NPEPL1: variants seen among roughly 807,000 people sequenced by gnomAD.
NPEPL1 encodes aminopeptidase like 1.
A neutral mutation model predicts 52.4 loss-of-function variants in NPEPL1; 45 were observed. That is an observed-to-expected ratio of 0.86 (90% confidence interval 0.68 to 1.10). The LOEUF is 1.10. NPEPL1 is among the 50% of genes least tolerant of loss of function. The pLI, the probability that NPEPL1 is intolerant of heterozygous loss-of-function variation, is 0.00. For synonymous variants in NPEPL1, 360 were observed against 314.7 expected (o/e 1.14, Z -1.52); for missense variants, 696 against 710.9 (o/e 0.98, Z 0.24).
chr20:58,715,378 G>T lies in NPEPL1; in HGVS notation c.*52G>T, dbSNP rs1040592799. The T allele has an allele frequency of 9.4e-6, 14 of 1,494,490 alleles. No homozygotes were observed. The highest frequency in any genetic ancestry group is 1.2e-5 in the Non-Finnish European group (13 of 1,119,384). 92.6% of individuals were successfully genotyped at this position (1,494,490 alleles called of 1,614,324 possible). ...GGGATCTTTTACCTCACTTTGCACT[G>T]ATTAATTTTAAGCAATTGAAAGATT... On this transcript the variant is annotated 3_prime_UTR_variant, in exon 12 of 12. Coordinates refer to ENST00000356091, the MANE Select transcript of NPEPL1 (RefSeq NM_024663.4).
intron 6 of NPEPL1, among the ~76,000 whole-genome samples, chr20:58,705,725 C>T (rs1387041293): frequency 6.6e-6 from 1 of 152,192 alleles, no homozygotes; most frequent in African/African-American, 2.4e-5. Flanking sequence ...GCTCCACCTG[C>T]AATTGGGAAG....
chr20:58,712,746 C>A, intron 8 of NPEPL1, 167 bp downstream of exon 8: 1 of 693,666 alleles, frequency 1.4e-6, no homozygotes. Context: ...TGGTAGCAGG[C>A]GCACCTCACG....
intron 4 of NPEPL1, 99 bp from the exon 5 acceptor site, chr20:58,699,080 CCGGCTCCCCGACGCGGCA>C: frequency 1.0e-6 from 1 of 970,502 alleles, no homozygotes; most frequent in Non-Finnish European, 1.6e-6. Context: ...GCTCCCAAGC[CCGGCTCCCCGACGCGGCA>C]CAGGCAGCGG....
rs531325624 is a variant in NPEPL1, at chr20:58,703,445, C to T, written c.822+2287C>T. ...ATAGTGCACCCCCTACTGCCTGCAC[C>T]TGGTACTGGCTGCTCCCACCCTCGC... is the stretch of plus-strand genomic sequence containing the variant. On this transcript the variant is annotated intron_variant, in intron 6 of 11. Coordinates refer to ENST00000356091, the MANE Select transcript of NPEPL1 (RefSeq NM_024663.4). 289 of 984,788 alleles carry T rather than the reference C, an allele frequency of 2.9e-4. No individual in the cohort carries two copies. The African/African-American group carries it at 4.8e-3, about 16-fold the overall frequency. 61.0% of individuals were successfully genotyped at this position (984,788 alleles called of 1,614,324 possible). A position where few individuals can be genotyped will look rare whatever the true frequency, so the allele number is the denominator to read the frequency against.
chr20:58,696,907 C>T (rs994130347), intron 3 of NPEPL1, among the ~76,000 whole-genome samples: 2 of 152,244 alleles, frequency 1.3e-5, no homozygotes, highest in African/African-American at 4.8e-5. Context: ...AGGTGTTAAG[C>T]TGCAGCTGCC....
chr20:58,703,609 G>A (rs894819533), intron 6 of NPEPL1: 7 of 985,256 alleles, frequency 7.1e-6, no homozygotes, highest in Non-Finnish European at 7.2e-6. Flanking sequence ...TGAGCTTCCT[G>A]GGAATTCATT....
intron 7 of NPEPL1, 119 bp downstream of exon 7, chr20:58,707,319 G>C (rs977984788): frequency 3.2e-6 from 3 of 944,222 alleles, no homozygotes; most frequent in Non-Finnish European, 4.7e-6. Flanking sequence ...TCTCCCCAGC[G>C]GATGCTTGTC....
chr20:58,693,671 G>C, intron 1 of NPEPL1, 66 bp from the exon 2 acceptor site: 1 of 1,455,080 alleles, frequency 6.9e-7, no homozygotes, highest in Non-Finnish European at 9.4e-7. Context: ...TGGCTGCAGG[G>C]CAGGGCCTCC....
At chr20:58,698,872 C>T (rs909848975) in intron 4 of NPEPL1, 99 bp downstream of exon 4, 12 of 1,029,470 alleles carry the variant, frequency 1.2e-5, no homozygotes, top group East Asian at 2.5e-5. Flanking sequence ...CACACCCTGA[C>T]GTGGCCAGGG....
intron 7 of NPEPL1, among the ~76,000 whole-genome samples, 157 bp from the exon 8 acceptor site, chr20:58,712,322 G>C (rs562975611): frequency 6.6e-6 from 1 of 152,182 alleles, no homozygotes. Context: ...TGCCAGGACT[G>C]TACCCGGGAT....
chr20:58,701,775 C>T (rs1044653240), intron 6 of NPEPL1, among the ~76,000 whole-genome samples: 2 of 152,122 alleles, frequency 1.3e-5, no homozygotes, highest in African/African-American at 4.8e-5. Flanking sequence ...CACGTGACCC[C>T]CAAGAGCGAG....
intron 6 of NPEPL1, chr20:58,703,534 C>T (rs987199011): frequency 7.1e-6 from 7 of 985,124 alleles, no homozygotes; most frequent in African/African-American, 1.7e-5. Context: ...GAGTCGTGGA[C>T]CCTCTTCTCC....
chr20:58,714,157 C>T lies in NPEPL1; in HGVS notation c.1302+64C>T, dbSNP rs542756758. Reference sequence around the variant, plus strand: ...GTGGAGCCGGGCAGGCGGAGCCCTGCCTTCAGGGTGCTGGTGCACCCAGGG... The same window carrying T: ...GTGGAGCCGGGCAGGCGGAGCCCTGTCTTCAGGGTGCTGGTGCACCCAGGG... On this transcript the variant is annotated intron_variant, in intron 10 of 11. Transcript: ENST00000356091. The T allele has an allele frequency of 2.3e-5, 34 of 1,494,272 alleles. No individual in the cohort carries two copies. In the East Asian group the frequency reaches 7.7e-4, roughly 34 times the overall value. The allele number at this position is 1,494,272 out of a possible 1,614,324, so 92.6% of individuals were successfully genotyped here. A position where few individuals can be genotyped will look rare whatever the true frequency, so the allele number is the denominator to read the frequency against.
At chr20:58,708,485 C>T (rs1276605752) in intron 7 of NPEPL1, among the ~76,000 whole-genome samples, 1 of 152,248 alleles carries the variant, frequency 6.6e-6, no homozygotes, top group African/African-American at 2.4e-5. Context: ...TCGTGCTGAG[C>T]ACACAGCTGG....
intron 7 of NPEPL1, among the ~76,000 whole-genome samples, chr20:58,707,953 G>A (rs184559324): frequency 3.0e-3 from 464 of 152,288 alleles, no homozygotes; most frequent in Non-Finnish European, 4.3e-3. Flanking sequence ...GTGGTGGCGC[G>A]CACCTGTAGT....
At chr20:58,698,896 C>T in intron 4 of NPEPL1, 123 bp downstream of exon 4, 5 of 820,540 alleles carry the variant, frequency 6.1e-6, no homozygotes, top group Non-Finnish European at 9.6e-6. Flanking sequence ...CTCAGGGCTG[C>T]CCTCGGCGGA....
chr20:58,692,712 C>G, upstream of NPEPL1: 1 of 621,914 alleles, frequency 1.6e-6, no homozygotes, highest in Non-Finnish European at 2.0e-6. This position sits in a 1 kb window ranked among gnomAD's most constrained non-coding sequence, Gnocchi z 5.7. Flanking sequence ...CCGGCCTGGC[C>G]GGCGCCCCCT....
chr20:58,701,464 T>TGGGGTGGGTTCGGGGAGAGTGCGC (rs2123111163), intron 6 of NPEPL1, among the ~76,000 whole-genome samples: 1 of 23,708 alleles, frequency 4.2e-5, no homozygotes, highest in East Asian at 9.2e-4. Context: ...GGTTCTGGGT[T>TGGGGTGGGTTCGGGGAGAGTGCGC]GGGGTGGGTT....
chr20:58,691,142 A>G (rs1430884582), upstream of NPEPL1: 1 of 703,214 alleles, frequency 1.4e-6, no homozygotes, highest in South Asian at 1.5e-5. Context: ...AAGATCCTCC[A>G]GCTGTCTCAG....
Sources: allele counts gnomAD v4.1 joint callset (sites outside exome capture counted in the v4.1 genomes callset), GRCh38; gene constraint gnomAD v4.1.1; non-coding constraint Gnocchi (gnomAD v3.1); transcripts MANE v1.5; gene names NCBI Gene and HGNC (gene_info 2026-07-23, HGNC 2026-07-21).